The following SCOC variants were observed in gnomAD, a reference collection of about 807,000 sequenced individuals.
SCOC encodes the protein short coiled coil protein.
In SCOC, 7 loss-of-function variants were observed where a neutral mutation model predicts 9.9. That is an observed-to-expected ratio of 0.71 (90% CI 0.40 to 1.33). The LOEUF (loss-of-function observed/expected upper bound fraction) is 1.33, where lower values mean the gene tolerates loss of function less well. Among genes scored for constraint, SCOC ranks in the 40% most tolerant of loss-of-function variants. The pLI is 0.01. For synonymous variants in SCOC, 19 were observed against 28.2 expected (o/e 0.67, Z 1.03); for missense variants, 66 against 89.7 (o/e 0.74, Z 1.07).
At chr4:140,353,527 C>T (rs1727072144) in intron 2 of SCOC, among the ~76,000 whole-genome samples, 1 of 151,950 alleles carries the variant, frequency 6.6e-6, no homozygotes, top group Admixed American at 6.6e-5. Context: ...TCTCCTGCCT[C>T]ATCCTCCTGA....
chr4:140,273,226 AC>A (rs1404536924), intron 1 of SCOC, among the ~76,000 whole-genome samples: 7 of 152,096 alleles, frequency 4.6e-5, no homozygotes, highest in Admixed American at 4.6e-4. Context: ...AAAAATCAGG[AC>A]CCCTCACCAA....
chr4:140,276,567 T>C (rs1369577329), intron 1 of SCOC, among the ~76,000 whole-genome samples: 1 of 152,058 alleles, frequency 6.6e-6, no homozygotes, highest in African/African-American at 2.4e-5. Context: ...CAATTCTCTC[T>C]GCGTCAGCCT....
chr4:140,346,340 G>A (rs1726738012), intron 2 of SCOC, among the ~76,000 whole-genome samples: 2 of 152,150 alleles, frequency 1.3e-5, no homozygotes, highest in Non-Finnish European at 2.9e-5. Context: ...ATTGGAAGCT[G>A]CTGGATACAG....
chr4:140,373,266 T>C (rs1728137938), upstream of SCOC: 1 of 1,299,880 alleles, frequency 7.7e-7, no homozygotes. Flanking sequence ...TACCAACCTC[T>C]TTCCTGAATG....
chr4:140,352,446 G>C (rs1375344532), intron 2 of SCOC, among the ~76,000 whole-genome samples: 2 of 152,122 alleles, frequency 1.3e-5, no homozygotes, highest in African/African-American at 2.4e-5. Context: ...AAATGCCTTA[G>C]AGACTTAGCA....
chr4:140,296,383 G>A (rs1052979293), intron 1 of SCOC, among the ~76,000 whole-genome samples: 1 of 152,144 alleles, frequency 6.6e-6, no homozygotes, highest in African/African-American at 2.4e-5. Context: ...AGGGTGGAGC[G>A]GCTGTCTTTT....
intron 1 of SCOC, chr4:140,291,622 C>G (rs1377408436): frequency 7.3e-6 from 3 of 413,728 alleles, no homozygotes; most frequent in Non-Finnish European, 1.5e-5. Flanking sequence ...AATCAATGAC[C>G]ATGTACCATG....
chr4:140,345,237 G>A (rs1383230691), intron 2 of SCOC, among the ~76,000 whole-genome samples: 1 of 152,158 alleles, frequency 6.6e-6, no homozygotes, highest in Non-Finnish European at 1.5e-5. Flanking sequence ...AACCACACGA[G>A]AGGACCAACG....
At chr4:140,289,296 G>A (rs1051651352) in intron 1 of SCOC, among the ~76,000 whole-genome samples, 2 of 152,170 alleles carry the variant, frequency 1.3e-5, no homozygotes, top group Non-Finnish European at 2.9e-5. Flanking sequence ...CACACACTGC[G>A]TCCTAGAGAA....
intron 2 of SCOC, among the ~76,000 whole-genome samples, chr4:140,351,943 T>A (rs1327506616): frequency 6.6e-6 from 1 of 152,200 alleles, no homozygotes; most frequent in Non-Finnish European, 1.5e-5. Flanking sequence ...AGCCAGTGTT[T>A]GCAGCCAGCG....
In SCOC at chr4:140,318,821, G is replaced by A. The variant is rs148776602; in HGVS notation, c.-18-24800G>A. On this transcript the variant is annotated intron_variant, in intron 1 of 4. Transcript: ENST00000394205. The stretch of plus-strand genomic sequence containing the variant: ...CATTATTCACAATAGCAAAGACTTG[G>A]AACCAACCCAAAAGCCCTTCCTTCT... 9.3e-3 allele frequency among the ~76,000 whole-genome samples: 1,411 copies of A among 152,154 alleles called. 21 individuals are homozygous for A. The highest frequency in any genetic ancestry group is 0.028 in the African/African-American group (1,170 of 41,510).
At chr4:140,371,808 C>T (rs1196170432), upstream of SCOC, among the ~76,000 whole-genome samples, 1 of 152,226 alleles carries the variant, frequency 6.6e-6, no homozygotes, top group Non-Finnish European at 1.5e-5. Flanking sequence ...GACATTTGCA[C>T]ACCCATGTCC....
In SCOC at chr4:140,276,004, G is replaced by T. The variant is rs192476556; in HGVS notation, c.-19+18594G>T. On this transcript the variant is annotated intron_variant, in intron 1 of 4. Coordinates refer to the SCOC transcript ENST00000394205. Reference sequence around the variant, plus strand: ...ATGCCCGGCTAATTTTTGTATTTTTGTTGTTGTTGTTGTTGTTGAGACGGA... The same window carrying T: ...ATGCCCGGCTAATTTTTGTATTTTTTTTGTTGTTGTTGTTGTTGAGACGGA... 8.5e-4 allele frequency among the ~76,000 whole-genome samples: 128 copies of T among 150,308 alleles called. 1 individual carries two copies. In the East Asian group the frequency reaches 0.021, roughly 24 times the overall value.
At chr4:140,314,683 T>G (rs1234648636) in intron 1 of SCOC, 3 of 152,128 alleles carry the variant, frequency 2.0e-5, no homozygotes, top group African/African-American at 7.2e-5. Flanking sequence ...TGCATATAAA[T>G]CTTAAGGGGA....
chr4:140,375,829 A>G (rs1728319711), intron 1 of SCOC, among the ~76,000 whole-genome samples: 1 of 152,210 alleles, frequency 6.6e-6, no homozygotes, highest in African/African-American at 2.4e-5. Flanking sequence ...ACCTAGCCAT[A>G]CATCAGAGCT....
intron 1 of SCOC, among the ~76,000 whole-genome samples, chr4:140,260,079 A>G (rs1265033342): frequency 6.6e-6 from 1 of 152,202 alleles, no homozygotes; most frequent in Non-Finnish European, 1.5e-5. Flanking sequence ...ATTAATTTTG[A>G]GCACTCAGCA....
intron 1 of SCOC, among the ~76,000 whole-genome samples, chr4:140,322,288 C>T (rs1053680629): frequency 5.9e-5 from 9 of 152,096 alleles, no homozygotes; most frequent in African/African-American, 1.9e-4. Flanking sequence ...TGGAAAAAGC[C>T]TATATTGCCG....
chr4:140,375,930 C>G (rs1728324442), intron 1 of SCOC, among the ~76,000 whole-genome samples: 1 of 152,092 alleles, frequency 6.6e-6, no homozygotes, highest in African/African-American at 2.4e-5. Flanking sequence ...TTTCAGTGTT[C>G]CCACGCTTGA....
chr4:140,257,852 A>G (rs1730544438), intron 1 of SCOC, among the ~76,000 whole-genome samples: 1 of 152,122 alleles, frequency 6.6e-6, no homozygotes, highest in South Asian at 2.1e-4. Context: ...CTGCTGGAGG[A>G]ATCCATACAC....
Sources: allele counts gnomAD v4.1 joint callset (sites outside exome capture counted in the v4.1 genomes callset), GRCh38; gene constraint gnomAD v4.1.1; transcripts MANE v1.5; gene names NCBI Gene and HGNC (gene_info 2026-07-23, HGNC 2026-07-21).